Variants in NECAB1 observed in about 807,000 individuals in gnomAD.
The protein encoded by NECAB1 is N-terminal EF-hand calcium-binding protein 1.
A neutral mutation model predicts 57.5 loss-of-function variants in NECAB1; 29 were observed. That is an observed-to-expected ratio of 0.50 (90% confidence interval 0.38 to 0.69). The LOEUF (loss-of-function observed/expected upper bound fraction) is 0.69. NECAB1 is among the 30% of genes least tolerant of loss of function. The probability of loss-of-function intolerance (pLI) is 0.00; values close to 1 mark genes in which losing one functional copy is unlikely to be tolerated. For missense variants in NECAB1, 372 were observed against 413.8 expected, an observed-to-expected ratio of 0.90 and a Z score of 0.88; for synonymous variants, 142 against 147.7, an observed-to-expected ratio of 0.96 and a Z score of 0.28.
chr8:90,825,405 G>A (rs1812208694), intron 3 of NECAB1, among the ~76,000 whole-genome samples: 1 of 151,742 alleles, frequency 6.6e-6, no homozygotes, highest in Admixed American at 6.6e-5. Context: ...TTCTCACTAT[G>A]CTTAAAAATA....
chr8:90,845,547 G>T (rs900935037), intron 3 of NECAB1, among the ~76,000 whole-genome samples: 1 of 152,124 alleles, frequency 6.6e-6, no homozygotes, highest in Non-Finnish European at 1.5e-5. Context: ...TTAAAAGTAG[G>T]TATTGGTTCA....
chr8:90,903,162 A>ATAAT lies in NECAB1; in HGVS notation c.358-14328_358-14325dup, dbSNP rs562561167. On this transcript the variant is annotated intron_variant, in intron 5 of 12. Coordinates refer to ENST00000417640, the MANE Select transcript of NECAB1 (RefSeq NM_022351.5). Reference sequence around the variant, plus strand: ...GATATTTCAATAGCTTTATTGAGTTATAATTTATATACCATAAAATTAACC... The same window carrying ATAAT: ...GATATTTCAATAGCTTTATTGAGTTATAATTAATTTATATACCATAAAATTAACC... 2.8e-4 allele frequency among the ~76,000 whole-genome samples: 43 copies of ATAAT among 152,166 alleles called. No individual in the cohort carries two copies. In the Middle Eastern group the frequency reaches 0.01, roughly 36 times the overall value.
chr8:90,840,407 A>G (rs971303533), intron 3 of NECAB1, among the ~76,000 whole-genome samples: 2 of 152,196 alleles, frequency 1.3e-5, no homozygotes, highest in Admixed American at 6.5e-5. Flanking sequence ...CACTTTCTCA[A>G]CATTGCCCAG....
chr8:90,837,929 C>A (rs1470229554), intron 3 of NECAB1, among the ~76,000 whole-genome samples: 1 of 152,150 alleles, frequency 6.6e-6, no homozygotes, highest in Non-Finnish European at 1.5e-5. Context: ...GAATTCCTAG[C>A]CCCAAATTTT....
intron 5 of NECAB1, among the ~76,000 whole-genome samples, chr8:90,913,704 AT>A (rs542054077): frequency 5.5e-4 from 84 of 152,220 alleles, no homozygotes; most frequent in African/African-American, 1.9e-3. Flanking sequence ...AGGATTTGAC[AT>A]TTTCCAGCTT....
chr8:90,873,174 A>G (rs185599084), intron 4 of NECAB1, among the ~76,000 whole-genome samples: 70 of 152,314 alleles, frequency 4.6e-4, no homozygotes, highest in African/African-American at 1.4e-3. Flanking sequence ...CAATGATTGT[A>G]AAAAAACTCA....
At chr8:90,843,529 T>A (rs1812493325) in intron 3 of NECAB1, among the ~76,000 whole-genome samples, 2 of 152,230 alleles carry the variant, frequency 1.3e-5, no homozygotes, top group African/African-American at 4.8e-5. Flanking sequence ...ATGAATTTGT[T>A]GACTTTTCCT....
chr8:90,846,371 A>G (rs1812558734), intron 3 of NECAB1, among the ~76,000 whole-genome samples: 1 of 152,252 alleles, frequency 6.6e-6, no homozygotes, highest in South Asian at 2.1e-4. Flanking sequence ...TACTTCAAGT[A>G]GAAACAGAAA....
chr8:90,835,483 A>C (rs1449226178), intron 3 of NECAB1, among the ~76,000 whole-genome samples: 1 of 152,118 alleles, frequency 6.6e-6, no homozygotes. Context: ...TGGCTTTAAA[A>C]GGGAGCCAAC....
At chr8:90,835,259 T>C (rs1342291782) in intron 3 of NECAB1, among the ~76,000 whole-genome samples, 2 of 152,170 alleles carry the variant, frequency 1.3e-5, no homozygotes, top group Non-Finnish European at 2.9e-5. Context: ...AAGAGATAAA[T>C]TCCTGCTTCC....
At chr8:90,866,844 C>T (rs1018098210) in intron 3 of NECAB1, among the ~76,000 whole-genome samples, 7 of 152,042 alleles carry the variant, frequency 4.6e-5, no homozygotes, top group East Asian at 1.9e-4. Context: ...AGACAGTGTG[C>T]GATTCCTCAA....
chr8:90,831,734 G>C (rs1812301486), intron 3 of NECAB1, among the ~76,000 whole-genome samples: 1 of 151,978 alleles, frequency 6.6e-6, no homozygotes. Flanking sequence ...TAATGGTCTT[G>C]ACAGCTCTTT....
At chr8:90,906,084 T>A (rs1223036808) in intron 5 of NECAB1, among the ~76,000 whole-genome samples, 3 of 152,322 alleles carry the variant, frequency 2.0e-5, no homozygotes, top group African/African-American at 4.8e-5. Context: ...TAGATTGGCA[T>A]TTTTCCACTA....
chr8:90,900,926 T>C (rs1586104165), intron 5 of NECAB1, among the ~76,000 whole-genome samples: 1 of 152,228 alleles, frequency 6.6e-6, no homozygotes. Flanking sequence ...TTCAGTAAGA[T>C]AAAGGTACTT....
intron 5 of NECAB1, among the ~76,000 whole-genome samples, chr8:90,895,051 G>A (rs1809288608): frequency 1.3e-5 from 2 of 152,196 alleles, no homozygotes; most frequent in African/African-American, 4.8e-5. Flanking sequence ...TTCCCTGAGT[G>A]ATTGACTAAG....
chr8:90,944,324 T>C (rs1431523354), intron 10 of NECAB1, among the ~76,000 whole-genome samples: 1 of 152,188 alleles, frequency 6.6e-6, no homozygotes. Flanking sequence ...CTATAAGTTT[T>C]TGATTAGGAG....
At chr8:90,953,123 G>A (rs1332397698) in intron 12 of NECAB1, among the ~76,000 whole-genome samples, 2 of 152,118 alleles carry the variant, frequency 1.3e-5, no homozygotes, top group African/African-American at 2.4e-5. Flanking sequence ...TGGAAAGAAA[G>A]GAACAAAGCT....
At chr8:90,860,200 A>G (rs1017858224) in intron 3 of NECAB1, among the ~76,000 whole-genome samples, 1 of 151,378 alleles carries the variant, frequency 6.6e-6, no homozygotes, top group Non-Finnish European at 1.5e-5. Flanking sequence ...CAGGAGGGTC[A>G]TGGCCCTGGC....
intron 12 of NECAB1, among the ~76,000 whole-genome samples, chr8:90,954,039 A>G (rs1017782560): frequency 1.3e-5 from 2 of 151,874 alleles, no homozygotes; most frequent in East Asian, 3.9e-4. Flanking sequence ...AGTGCACTCC[A>G]GCCTGGGTGA....
Sources: allele counts gnomAD v4.1 joint callset (sites outside exome capture counted in the v4.1 genomes callset), GRCh38; gene constraint gnomAD v4.1.1; transcripts MANE v1.5; gene names NCBI Gene and HGNC (gene_info 2026-07-23, HGNC 2026-07-21).